PDE1A: variants seen among roughly 807,000 people sequenced by gnomAD.
PDE1A encodes the protein phosphodiesterase 1A.
A neutral mutation model predicts 61.7 loss-of-function variants in PDE1A; 35 were observed. The observed-to-expected ratio is 0.57, with a 90% CI of 0.43 to 0.75. PDE1A has a LOEUF of 0.75. Among genes scored for constraint, PDE1A ranks in the 30% least tolerant of loss-of-function variants. The pLI is 0.00. For synonymous variants in PDE1A, 232 were observed against 213.2 expected (o/e 1.09, Z -0.77); for missense variants, 597 against 630.6 (o/e 0.95, Z 0.57).
exon 2 of PDE1A, chr2:182,264,339 C>A: frequency 6.2e-7 from 1 of 1,613,130 alleles, no homozygotes; most frequent in Non-Finnish European, 8.5e-7. Context: ...GCACAGATGC[C>A]GCATATTCAA....
chr2:182,460,275 G>T (rs747702621), intron 2 of PDE1A, among the ~76,000 whole-genome samples: 2 of 152,002 alleles, frequency 1.3e-5, no homozygotes, highest in African/African-American at 4.8e-5. Flanking sequence ...CAGCCTCTTC[G>T]GTGACAGGTG....
chr2:182,217,604 CA>C (rs1688312791), intron 7 of PDE1A, among the ~76,000 whole-genome samples: 1 of 145,856 alleles, frequency 6.9e-6, no homozygotes. Flanking sequence ...AAAAAGTGGG[CA>C]AAGGACATGA....
chr2:182,153,429 C>G (rs1290659418), intron 13 of PDE1A, among the ~76,000 whole-genome samples: 1 of 152,190 alleles, frequency 6.6e-6, no homozygotes, highest in Non-Finnish European at 1.5e-5. Flanking sequence ...GCTGAGAAAA[C>G]TACTGTGAGC....
At chr2:182,232,166 T>C (rs755620211) in intron 4 of PDE1A, among the ~76,000 whole-genome samples, 4 of 152,026 alleles carry the variant, frequency 2.6e-5, no homozygotes, top group South Asian at 4.1e-4. Context: ...AGCAGGCCAG[T>C]AGGGAAACTG....
At chr2:182,441,357 T>C (rs1218979142) in intron 2 of PDE1A, among the ~76,000 whole-genome samples, 4 of 151,908 alleles carry the variant, frequency 2.6e-5, no homozygotes. Flanking sequence ...AATCATTTTA[T>C]ATGTATAAAT....
rs184064187 is a variant in PDE1A at position 182,271,516 on chromosome 2, A to G, written c.54-7102T>C. On this transcript the variant is annotated intron_variant, in intron 1 of 13. Coordinates refer to ENST00000351439, the Ensembl canonical transcript of PDE1A. ...GTATTAACTTTTTCTACAAAAATGG[A>G]CATTATGTAATTTCCAGTTTGTTGA... 4.6e-4 allele frequency among the ~76,000 whole-genome samples: 70 copies of G among 152,252 alleles called. 1 individual carries two copies. The highest frequency in any genetic ancestry group is 1.6e-3 in the African/African-American group (68 of 41,590).
the PDE1A span, among the ~76,000 whole-genome samples, chr2:182,558,053 C>A: frequency 6.6e-6 from 1 of 152,126 alleles, no homozygotes; most frequent in African/African-American, 2.4e-5. Context: ...CTTCTCCTAA[C>A]ATAGCTCTTC....
chr2:182,307,224 A>G (rs1309157871), intron 1 of PDE1A, among the ~76,000 whole-genome samples: 2 of 152,212 alleles, frequency 1.3e-5, no homozygotes, highest in East Asian at 3.9e-4. Context: ...TATGGTTTGA[A>G]TGTCTGTCTC....
At chr2:182,665,256 G>A in the PDE1A span, among the ~76,000 whole-genome samples, 2 of 151,960 alleles carry the variant, frequency 1.3e-5, no homozygotes, top group Admixed American at 6.6e-5. Flanking sequence ...AGCTTCTGCA[G>A]AGCAAAAGAA....
In PDE1A at chr2:182,243,970, C is replaced by A. The variant is rs183241321; in HGVS notation, c.168-3678G>T. Among the ~76,000 whole-genome samples, 19 of 152,190 alleles carry A rather than the reference C, an allele frequency of 1.2e-4. No homozygotes were observed. In the East Asian group the frequency reaches 3.5e-3, roughly 28 times the overall value. On this transcript the variant is annotated intron_variant, in intron 2 of 13. Transcript: ENST00000351439. ...ACAACCTCTGCCTCCCGGGTTCAAG[C>A]GATTCTCCTGCCTCAGCCTCCTGAG...
chr2:182,169,589 G>A (rs1157770420), intron 13 of PDE1A, among the ~76,000 whole-genome samples: 1 of 152,012 alleles, frequency 6.6e-6, no homozygotes, highest in Non-Finnish European at 1.5e-5. Flanking sequence ...GAAGAGGATT[G>A]GTGGAGTCTT....
At chr2:182,711,065 C>A in the PDE1A span, among the ~76,000 whole-genome samples, 1 of 152,182 alleles carries the variant, frequency 6.6e-6, no homozygotes, top group Non-Finnish European at 1.5e-5. Flanking sequence ...TGAGCAGTGT[C>A]AGAACCCAAC....
At position 182,259,972 on chromosome 2, in the gene PDE1A, G is replaced by A. The variant is rs552681577; in HGVS notation, c.167+4329C>T. On this transcript the variant is annotated intron_variant, in intron 2 of 13. Coordinates refer to ENST00000351439, the Ensembl canonical transcript of PDE1A. ...CTGAACACAAGACTCATAAAGGATT[G>A]GCATTTGCATTTGAAAATGTCTTTT... 1.6e-4 allele frequency among the ~76,000 whole-genome samples: 25 copies of A among 152,254 alleles called. No homozygotes were observed. The South Asian group carries it at 2.9e-3, about 18-fold the overall frequency.
intron 13 of PDE1A, among the ~76,000 whole-genome samples, chr2:182,151,120 T>C (rs1690755296): frequency 6.6e-6 from 1 of 152,178 alleles, no homozygotes. Flanking sequence ...AAAGTTTTGC[T>C]CTTGTTGTCC....
intron 2 of PDE1A, among the ~76,000 whole-genome samples, chr2:182,444,054 T>C (rs962792133): frequency 2.6e-5 from 4 of 152,140 alleles, no homozygotes; most frequent in Non-Finnish European, 4.4e-5. Context: ...TGTATAGCAA[T>C]ATGAGAACAG....
chr2:182,487,263 T>TA (rs1468593039), intron 2 of PDE1A, among the ~76,000 whole-genome samples: 1 of 152,134 alleles, frequency 6.6e-6, no homozygotes, highest in African/African-American at 2.4e-5. Flanking sequence ...AAAACTGCCG[T>TA]ACCAGGTGCC....
chr2:182,603,561 G>T, the PDE1A span, among the ~76,000 whole-genome samples: 1 of 152,192 alleles, frequency 6.6e-6, no homozygotes, highest in Admixed American at 6.5e-5. Flanking sequence ...TGTTGGCCAG[G>T]CTGGTCTTGA....
the PDE1A span, among the ~76,000 whole-genome samples, chr2:182,686,789 G>A: frequency 6.6e-6 from 1 of 152,228 alleles, no homozygotes; most frequent in Non-Finnish European, 1.5e-5. Flanking sequence ...GCCATGCAAA[G>A]CTGTGACAGA....
chr2:182,342,540 T>G (rs1698258561), intron 1 of PDE1A, among the ~76,000 whole-genome samples: 1 of 152,100 alleles, frequency 6.6e-6, no homozygotes, highest in Non-Finnish European at 1.5e-5. Flanking sequence ...AAAATTAGAC[T>G]GGCGTGGTAA....
Sources: gnomAD v4.1 joint callset for allele counts (sites outside exome capture counted in the v4.1 genomes callset) on GRCh38, gnomAD v4.1.1 for gene constraint, MANE v1.5 for transcripts, NCBI Gene and HGNC (gene_info 2026-07-23, HGNC 2026-07-21) for gene names.